The following ANKS3 variants were observed in gnomAD, a reference collection of about 807,000 sequenced individuals.
ANKS3 encodes the protein ankyrin repeat and SAM domain-containing protein 3.
ANKS3 carries 62 observed loss-of-function variants against 80.7 expected under a neutral mutation model. The observed-to-expected ratio is 0.77, with a 90% confidence interval of 0.63 to 0.95. The LOEUF (loss-of-function observed/expected upper bound fraction) is 0.95, where lower values mean the gene tolerates loss of function less well. ANKS3 is among the 40% of genes least tolerant of loss of function. The pLI, the probability that ANKS3 is intolerant of heterozygous loss-of-function variation, is 0.00. For missense variants in ANKS3, 1,150 were observed against 883.6 expected (o/e 1.30, Z -3.82); for synonymous variants, 489 against 355.3 (o/e 1.38, Z -4.23).
At chr16:4,706,693 G>C (rs1428546621) in intron 7 of ANKS3, among the ~76,000 whole-genome samples, 3 of 152,206 alleles carry the variant, frequency 2.0e-5, no homozygotes, top group Non-Finnish European at 4.4e-5. Flanking sequence ...GCTCTGATCT[G>C]ATTCTACTTT....
chr16:4,709,167 G>T (rs2080356110), intron 7 of ANKS3, among the ~76,000 whole-genome samples: 2 of 151,906 alleles, frequency 1.3e-5, no homozygotes, highest in African/African-American at 4.8e-5. Flanking sequence ...AGCACTTTGG[G>T]AGGCCGAGTC....
intron 8 of ANKS3, among the ~76,000 whole-genome samples, chr16:4,703,636 G>A (rs551661722): frequency 1.3e-5 from 2 of 150,836 alleles, no homozygotes; most frequent in East Asian, 4.0e-4. Flanking sequence ...GGCCAGGATG[G>A]TCTGGATCTC....
chr16:4,697,135 G>C (rs841215), intron 16 of ANKS3, 31 bp from the exon 17 acceptor site: 856,190 of 1,605,800 alleles, frequency 0.53, 233,033 homozygotes, highest in East Asian at 0.63. Flanking sequence ...GCCTCTCCCG[G>C]CCAGGCTCAG....
rs779234589 is a variant in ANKS3, at chr16:4,730,164, G to C, written c.-2-13C>G. 1 of 1,506,556 alleles carries C rather than the reference G, an allele frequency of 6.6e-7. No homozygotes were observed. Among genetic ancestry groups the C allele is most frequent in the East Asian group, 2.5e-5 (1 of 40,232 alleles). The allele number at this position is 1,506,556 out of a possible 1,614,324, so 93.3% of individuals were successfully genotyped here. A position where few individuals can be genotyped will look rare whatever the true frequency, so the allele number is the denominator to read the frequency against. ...AGCTCGGACATCACTGAGGAGGAAG[G>C]CCCAAGGGTTAGATCTTTCCTGGCT... is the stretch of plus-strand genomic sequence containing the variant. On this transcript the variant is annotated splice_polypyrimidine_tract_variant and intron_variant, in intron 2 of 17. Transcript: ENST00000304283.
chr16:4,720,546 T>C (rs1174247933), intron 6 of ANKS3, among the ~76,000 whole-genome samples: 1 of 151,110 alleles, frequency 6.6e-6, no homozygotes, highest in Non-Finnish European at 1.5e-5. Flanking sequence ...CACTACCCAC[T>C]ACCGACTGAA....
Position 4,727,271 on chromosome 16 carries a change from T to C in ANKS3, c.171-94A>G, listed in dbSNP as rs371515860. On this transcript the variant is annotated intron_variant, in intron 3 of 17. Transcript: ENST00000304283. ...CGAGGCTAGGCCAGGCGGGATGAGT[T>C]GACAGGAAGCAGAAGTTATCTGCCA... 4.4e-4 allele frequency: 584 copies of C among 1,329,028 alleles called. 4 individuals carry two copies. The East Asian group carries it at 0.013, about 30-fold the overall frequency. 82.3% of individuals were successfully genotyped at this position (1,329,028 alleles called of 1,614,324 possible).
intron 8 of ANKS3, among the ~76,000 whole-genome samples, chr16:4,703,797 G>C (rs964144060): frequency 1.3e-5 from 2 of 152,160 alleles, no homozygotes; most frequent in African/African-American, 4.8e-5. Context: ...AAAATCCCCT[G>C]AAATACCACA....
At chr16:4,697,554 C>T in intron 15 of ANKS3, 138 bp from the exon 16 acceptor site, 2 of 697,154 alleles carry the variant, frequency 2.9e-6, no homozygotes, top group South Asian at 2.0e-5. Context: ...TAAGCAACCT[C>T]CCAAGGCCGA....
Position 4,720,523 on chromosome 16 carries a change from C to T in ANKS3, c.573+4227G>A, listed in dbSNP as rs537036241. Among the ~76,000 whole-genome samples, 53 of 150,860 alleles carry T rather than the reference C, an allele frequency of 3.5e-4. 1 individual carries two copies. Among genetic ancestry groups the T allele is most frequent in the African/African-American group, 1.2e-3 (49 of 41,318 alleles). On this transcript the variant is annotated intron_variant, in intron 6 of 17. Coordinates refer to ENST00000304283, the MANE Select transcript of ANKS3 (RefSeq NM_133450.4). ...GGTGTGAACCAGGACCACTATGGAA[C>T]AAAGCAAGTTTACACTACCCACTAC...
intron 11 of ANKS3, 113 bp downstream of exon 11, chr16:4,700,857 C>A (rs571615295): frequency 7.2e-7 from 1 of 1,396,486 alleles, no homozygotes; most frequent in Admixed American, 1.7e-5. Context: ...GGGATGCCAC[C>A]GCCATTCTGT....
chr16:4,702,010 C>T, intron 9 of ANKS3, 92 bp downstream of exon 9: 2 of 1,437,884 alleles, frequency 1.4e-6, no homozygotes, highest in Non-Finnish European at 1.8e-6. Flanking sequence ...TGGCTGTGTC[C>T]AGCGCCAGGC....
At chr16:4,697,468 G>T in intron 15 of ANKS3, 52 bp from the exon 16 acceptor site, 1 of 1,425,060 alleles carries the variant, frequency 7.0e-7, no homozygotes, top group Non-Finnish European at 9.5e-7. Context: ...GTCCCCACAG[G>T]CCCTGCTTTA....
chr16:4,701,315 G>T lies in ANKS3; in HGVS notation c.1119+119C>A, dbSNP rs956981480. Reference sequence around the variant, plus strand: ...GACCCTGGACACAGCACGTCCCAGTGCAGCACACACGTGCAGCAGCTGCTT... The same window carrying T: ...GACCCTGGACACAGCACGTCCCAGTTCAGCACACACGTGCAGCAGCTGCTT... On this transcript the variant is annotated intron_variant, in intron 10 of 17. Transcript: ENST00000304283. The T allele has an allele frequency of 4.5e-6, 6 of 1,324,752 alleles. No individual in the cohort carries two copies. In the Admixed American group the frequency reaches 6.8e-5, roughly 15 times the overall value. The allele number at this position is 1,324,752 out of a possible 1,614,324, so 82.1% of individuals were successfully genotyped here.
rs754537376 is a variant in ANKS3 at position 4,698,531 on chromosome 16, C to T, written c.1620G>A (p.Glu540=). The change falls in exon 14 of 18, where the codon GAG becomes GAA. Residue 540 remains glutamate, a synonymous_variant. Transcript: ENST00000304283. ...CGCGGTCCTGCTCCAGCAGGCAGCT[C>T]TCCACCACGGCGCGCAGCTCCTGCT... is the stretch of plus-strand genomic sequence containing the variant. ...CQEQELRAVV[E]SCLLEQDRAR... 6.3e-7 allele frequency: 1 copy of T among 1,575,256 alleles called. No homozygotes were observed. The highest frequency in any genetic ancestry group is 8.6e-7 in the Non-Finnish European group (1 of 1,168,674).
chr16:4,733,974 C>T lies in ANKS3; in HGVS notation c.-107G>A. On this transcript the variant is annotated 5_prime_UTR_variant, in exon 1 of 18. The change creates a premature stop within an existing upstream ORF in the 5' untranslated region. Coordinates refer to ENST00000304283, the MANE Select transcript of ANKS3 (RefSeq NM_133450.4). Reference sequence around the variant, plus strand: ...TTCCCGACGCCCCCCGGCCACATCCCCACAGGAACGCTACGGCGCACAGGG... The same window carrying T: ...TTCCCGACGCCCCCCGGCCACATCCTCACAGGAACGCTACGGCGCACAGGG... 3 of 985,526 alleles carry T rather than the reference C, an allele frequency of 3.0e-6. No homozygotes were observed. The highest frequency in any genetic ancestry group is 3.6e-6 in the Non-Finnish European group (3 of 829,986). 61.0% of individuals were successfully genotyped at this position (985,526 alleles called of 1,614,324 possible).
At chr16:4,725,728 C>T (rs2081314046) in intron 5 of ANKS3, among the ~76,000 whole-genome samples, 1 of 151,982 alleles carries the variant, frequency 6.6e-6, no homozygotes, top group Non-Finnish European at 1.5e-5. Context: ...CACGATCTCT[C>T]AGTTCACTGC....
At position 4,714,177 on chromosome 16, in the gene ANKS3, C is replaced by T. The variant is rs755610787; in HGVS notation, c.583G>A (p.Val195Met). 6.2e-7 allele frequency: 1 copy of T among 1,614,110 alleles called. No homozygotes were observed. Among genetic ancestry groups the T allele is most frequent in the Non-Finnish European group, 8.5e-7 (1 of 1,179,994 alleles). Residue 195 changes from valine (V) to methionine (M), a missense_variant, in exon 7 of 18, where the codon GTG becomes ATG. Transcript: ENST00000304283. The part of the protein sequence containing the change: ...VQYFLNHGVK[V>M]DARDHSGATA... ...GCTCCACTGTGGTCTCTCGCGTCCA[C>T]CTTGACTCCCTGTGAATGTCCGTGA...
intron 7 of ANKS3, among the ~76,000 whole-genome samples, chr16:4,708,594 T>C (rs1357259251): frequency 2.0e-5 from 3 of 152,216 alleles, no homozygotes; most frequent in African/African-American, 7.2e-5. Context: ...GATGGGTTTT[T>C]CTTGTTTTTC....
intron 7 of ANKS3, among the ~76,000 whole-genome samples, chr16:4,706,721 G>T (rs994314531): frequency 2.0e-5 from 3 of 152,186 alleles, no homozygotes; most frequent in Non-Finnish European, 4.4e-5. Context: ...TACGTGAGTT[G>T]TATACAGGAG....
Sources: allele counts gnomAD v4.1 joint callset (sites outside exome capture counted in the v4.1 genomes callset), GRCh38; gene constraint gnomAD v4.1.1; transcripts MANE v1.5; gene names NCBI Gene and HGNC (gene_info 2026-07-23, HGNC 2026-07-21).